C4orf51: variants seen among roughly 807,000 people sequenced by gnomAD.
The protein encoded by C4orf51 is chromosome 4 open reading frame 51.
Under a neutral mutation model 25.2 loss-of-function variants are expected in C4orf51, and 25 were observed. The observed-to-expected ratio is 0.99, with a 90% CI of 0.72 to 1.39. C4orf51 has a LOEUF of 1.39. C4orf51 is among the 40% of genes most tolerant of loss of function. C4orf51 has a pLI of 0.00. For missense variants in C4orf51, 252 were observed against 239.6 expected (o/e 1.05, Z -0.34); for synonymous variants, 100 against 84.5 (o/e 1.18, Z -1.01).
intron 2 of C4orf51, among the ~76,000 whole-genome samples, chr4:145,705,360 A>G (rs1354639043): frequency 6.6e-6 from 1 of 152,326 alleles, no homozygotes; most frequent in Non-Finnish European, 1.5e-5. Context: ...TCACCTGACC[A>G]TAACCTGATG....
intron 1 of C4orf51, among the ~76,000 whole-genome samples, chr4:145,747,303 C>T (rs1733421135): frequency 6.6e-6 from 1 of 151,562 alleles, no homozygotes; most frequent in Non-Finnish European, 1.5e-5. Context: ...TCAGTTTTTC[C>T]CCATTCAGTA....
chr4:145,744,357 C>A (rs1733250906), intron 1 of C4orf51, among the ~76,000 whole-genome samples: 1 of 152,152 alleles, frequency 6.6e-6, no homozygotes, highest in Non-Finnish European at 1.5e-5. Flanking sequence ...AACAAAGGAT[C>A]CTGTGATACA....
At chr4:145,778,167 CTT>C in the C4orf51 span, among the ~76,000 whole-genome samples, 4 of 152,080 alleles carry the variant, frequency 2.6e-5, no homozygotes, top group Admixed American at 2.0e-4. Context: ...GAGTTTCGCT[CTT>C]GTCACTCAGG....
At chr4:145,707,056 T>G (rs1228223207) in intron 2 of C4orf51, among the ~76,000 whole-genome samples, 1 of 152,134 alleles carries the variant, frequency 6.6e-6, no homozygotes, top group African/African-American at 2.4e-5. Flanking sequence ...CCTCAGGTGA[T>G]CCGGCCCACC....
intron 2 of C4orf51, among the ~76,000 whole-genome samples, chr4:145,723,922 G>A (rs1446128251): frequency 6.6e-6 from 1 of 152,160 alleles, no homozygotes; most frequent in African/African-American, 2.4e-5. Flanking sequence ...TGGTGAAGAG[G>A]AACACTGGTT....
downstream of C4orf51, among the ~76,000 whole-genome samples, chr4:145,775,080 C>T (rs763556434): frequency 4.6e-5 from 7 of 152,162 alleles, no homozygotes; most frequent in Non-Finnish European, 1.0e-4. Context: ...GAACCTCTCT[C>T]TGGCTCTGGA....
the C4orf51 span, chr4:145,779,302 C>G: frequency 1.3e-6 from 2 of 1,538,884 alleles, no homozygotes; most frequent in African/African-American, 1.4e-5. Context: ...CTTAGAGAAA[C>G]TCAGTTTCCG....
chr4:145,789,909 C>G, the C4orf51 span, among the ~76,000 whole-genome samples: 3 of 152,256 alleles, frequency 2.0e-5, no homozygotes, highest in Non-Finnish European at 4.4e-5. Context: ...TTTGGAGGCT[C>G]TGCCTCTTTT....
rs181988250 is a variant in C4orf51, at chr4:145,766,426, A to C, written n.167-4562A>C. Among the ~76,000 whole-genome samples the C allele has an allele frequency of 1.3e-3, 196 of 152,370 alleles. 2 individuals are homozygous for C. The highest frequency in any genetic ancestry group is 4.3e-3 in the African/African-American group (177 of 41,596). ...CACTGGATGTTAGGCAATGAAGAAA[A>C]GTGGCCCCTGAGAGACAGGAAACAA... On this transcript the variant is annotated intron_variant and non_coding_transcript_variant, in intron 1 of 1. Coordinates refer to the C4orf51 transcript ENST00000510096.
At chr4:145,729,299 T>A in intron 4 of C4orf51, 70 bp downstream of exon 4, 17 of 482,690 alleles carry the variant, frequency 3.5e-5, no homozygotes, top group South Asian at 7.1e-5. Flanking sequence ...GTCATGTGAT[T>A]TTTTTTTTTT....
chr4:145,778,536 C>T, the C4orf51 span, among the ~76,000 whole-genome samples: 2 of 152,076 alleles, frequency 1.3e-5, no homozygotes, highest in African/African-American at 2.4e-5. Context: ...CACTTGAACC[C>T]GGGAGGCAGA....
downstream of C4orf51, among the ~76,000 whole-genome samples, chr4:145,755,018 C>A (rs940232384): frequency 2.0e-5 from 3 of 152,188 alleles, no homozygotes; most frequent in Non-Finnish European, 4.4e-5. Flanking sequence ...ATTCTTTTCC[C>A]TTCACTGAGC....
chr4:145,708,559 A>C (rs1357654300), intron 2 of C4orf51, among the ~76,000 whole-genome samples: 1 of 152,152 alleles, frequency 6.6e-6, no homozygotes, highest in Non-Finnish European at 1.5e-5. Flanking sequence ...CTTCCCATGT[A>C]CCCTTCACCT....
At chr4:145,740,082 G>T (rs1013890363) in intron 1 of C4orf51, among the ~76,000 whole-genome samples, 1 of 152,112 alleles carries the variant, frequency 6.6e-6, no homozygotes, top group African/African-American at 2.4e-5. Flanking sequence ...AACCGTTCAC[G>T]TGGATCTTCA....
At chr4:145,703,941 CA>C (rs1171543127) in intron 2 of C4orf51, among the ~76,000 whole-genome samples, 2 of 152,164 alleles carry the variant, frequency 1.3e-5, no homozygotes, top group Non-Finnish European at 2.9e-5. Flanking sequence ...AAAGAAAAGG[CA>C]TAAAAATTTA....
chr4:145,728,616 G>T (rs1401346317), intron 3 of C4orf51, among the ~76,000 whole-genome samples: 1 of 152,124 alleles, frequency 6.6e-6, no homozygotes, highest in African/African-American at 2.4e-5. Flanking sequence ...TTGTTTTTAT[G>T]TATATTTCTG....
chr4:145,785,155 G>A, the C4orf51 span, among the ~76,000 whole-genome samples: 1 of 152,200 alleles, frequency 6.6e-6, no homozygotes, highest in African/African-American at 2.4e-5. Flanking sequence ...AGTGTAAGGA[G>A]AACGATCTCA....
chr4:145,705,673 C>T (rs10012340), intron 2 of C4orf51, among the ~76,000 whole-genome samples: 54,690 of 151,968 alleles, frequency 0.36, 10,060 homozygotes, highest in Admixed American at 0.48. Context: ...AGGATTTTGC[C>T]TCTGTCGTGT....
intron 1 of C4orf51, among the ~76,000 whole-genome samples, chr4:145,746,348 T>A (rs904779826): frequency 2.6e-5 from 4 of 152,196 alleles, no homozygotes; most frequent in African/African-American, 7.2e-5. Flanking sequence ...TATTTTGAGA[T>A]CTTAGATACT....
Sources: gnomAD v4.1 joint callset for allele counts (sites outside exome capture counted in the v4.1 genomes callset) on GRCh38, gnomAD v4.1.1 for gene constraint, MANE v1.5 for transcripts, NCBI Gene and HGNC (gene_info 2026-07-23, HGNC 2026-07-21) for gene names.